The following MATR3 variants were observed in gnomAD, a reference collection of about 807,000 sequenced individuals.
MATR3 encodes the protein matrin-3.
A neutral mutation model predicts 85.5 loss-of-function variants in MATR3; 4 were observed. The observed-to-expected ratio is 0.05, with a 90% CI of 0.02 to 0.11. MATR3 has a LOEUF of 0.11. Ranked by LOEUF, MATR3 falls within the 10% of genes least tolerant of loss-of-function variation. MATR3 has a pLI of 1.00. For synonymous variants in MATR3, 336 were observed against 343.1 expected (o/e 0.98, Z 0.23); for missense variants, 685 against 1,016.1 (o/e 0.67, Z 4.43).
chr5:139,310,412 A>G (rs145525010), intron 2 of MATR3: 2 of 152,296 alleles, frequency 1.3e-5, no homozygotes, highest in African/African-American at 4.8e-5. Context: ...CTGAATTTCT[A>G]GTTTTCTAGT....
chr5:139,309,770 C>A (rs1039012972), intron 2 of MATR3, among the ~76,000 whole-genome samples: 3 of 152,062 alleles, frequency 2.0e-5, no homozygotes, highest in African/African-American at 7.2e-5. Flanking sequence ...ATTTTAGTTT[C>A]TGATCAGCAC....
chr5:139,325,712 ACT>A, intron 13 of MATR3, 50 bp downstream of exon 13: 4 of 1,480,194 alleles, frequency 2.7e-6, no homozygotes, highest in Non-Finnish European at 3.8e-6. Context: ...CTCAAAACAA[ACT>A]CTTAGGTTTT....
rs553716374 is a variant in MATR3 at position 139,295,522 on chromosome 5, G to A, written c.-178+1717G>A. On this transcript the variant is annotated intron_variant, in intron 1 of 14. Transcript: ENST00000394805. ...TCATCTTTATATATTTTTCAGCCGT[G>A]TACAGCTTTTATATCACATTTTGAA... Among the ~76,000 whole-genome samples, 4 of 152,248 alleles carry A rather than the reference G, an allele frequency of 2.6e-5. No individual in the cohort carries two copies. The East Asian group carries it at 7.7e-4, about 29-fold the overall frequency.
intron 1 of MATR3, among the ~76,000 whole-genome samples, chr5:139,295,595 T>C (rs1478962178): frequency 1.3e-5 from 2 of 152,216 alleles, no homozygotes; most frequent in African/African-American, 4.8e-5. Flanking sequence ...TTTGTTTTAG[T>C]CTTTAAACAT....
At chr5:139,306,546 A>G (rs989123201) in intron 1 of MATR3, among the ~76,000 whole-genome samples, 2 of 152,184 alleles carry the variant, frequency 1.3e-5, no homozygotes, top group Non-Finnish European at 2.9e-5. Context: ...TTAAAAGACT[A>G]GATATGAAGT....
rs1349218841 is a variant in MATR3 at position 139,307,838 on chromosome 5, C to T, written c.423C>T (p.Ile141=). 6 of 1,614,090 alleles carry T rather than the reference C, an allele frequency of 3.7e-6. No individual in the cohort carries two copies. The highest frequency in any genetic ancestry group is 5.1e-6 in the Non-Finnish European group (6 of 1,180,014). The change falls in exon 2 of 15, where the codon ATC becomes ATT. Residue 141 remains isoleucine, a synonymous_variant. Coordinates refer to ENST00000394805, the MANE Select transcript of MATR3 (RefSeq NM_018834.6). This position sits in a 1 kb window ranked among gnomAD's most constrained non-coding sequence, Gnocchi z 4.4. ...TTACTCCTGAGAATTTGCCCCAAAT[C>T]CTTCTACAGCTTAAAAGGAGGAGAA... ...DKITPENLPQ[I]LLQLKRRRTE...
intron 2 of MATR3, 94 bp downstream of exon 2, chr5:139,308,421 G>A: frequency 2.1e-6 from 3 of 1,454,414 alleles, no homozygotes; most frequent in Non-Finnish European, 2.9e-6. Context: ...TGATGACATT[G>A]AGTTGATCAA....
At chr5:139,317,742 ATTATTCAT>A in intron 7 of MATR3, 21 bp downstream of exon 7, 1 of 1,547,716 alleles carries the variant, frequency 6.5e-7, no homozygotes, top group Non-Finnish European at 8.9e-7. Context: ...AAATATTGGT[ATTATTCAT>A]TTATTCATGC....
Position 139,307,955 on chromosome 5 carries a change from A to G in MATR3, c.540A>G (p.Glu180=). The G allele has an allele frequency of 6.2e-7, 1 of 1,614,166 alleles. No individual in the cohort carries two copies. The highest frequency in any genetic ancestry group is 8.5e-7 in the Non-Finnish European group (1 of 1,180,014). ...GAGTACCTAGGGATGATTGGGAAGA[A>G]AAAAGGCACTTTAGAAGAGATAGTT... ...PYRVPRDDWE[E]KRHFRRDSFD... is the part of the protein sequence containing the mutation. The change falls in exon 2 of 15, where the codon GAA becomes GAG. Residue 180 remains glutamate, a synonymous_variant. Transcript: ENST00000394805. This position sits in a 1 kb window ranked among gnomAD's most constrained non-coding sequence, Gnocchi z 4.4.
chr5:139,309,688 TTTAATTGGTA>T (rs1339967773), intron 2 of MATR3, among the ~76,000 whole-genome samples: 2 of 152,134 alleles, frequency 1.3e-5, no homozygotes, highest in African/African-American at 4.8e-5. Flanking sequence ...GCCAGCAAAT[TTTAATTGGTA>T]TATGTTTTGG....
intron 3 of MATR3, chr5:139,315,064 G>C (rs1755173285): frequency 4.1e-6 from 1 of 245,780 alleles, no homozygotes; most frequent in African/African-American, 2.2e-5. Context: ...AATAATACAT[G>C]CTCTAAAAAT....
At chr5:139,317,560 G>A (rs1188352427) in intron 6 of MATR3, 36 bp from the exon 7 acceptor site, 3 of 1,609,312 alleles carry the variant, frequency 1.9e-6, no homozygotes, top group East Asian at 2.2e-5. Flanking sequence ...GCTTTAAAGA[G>A]ACTTAATTGC....
intron 3 of MATR3, chr5:139,279,241 T>TGG: frequency 2.3e-6 from 1 of 433,456 alleles, no homozygotes; most frequent in Non-Finnish European, 4.6e-6. Flanking sequence ...GACTTTTTTT[T>TGG]GGGGGGGGAC....
At chr5:139,286,807 ATACTC>A (rs1429234842) in intron 3 of MATR3, among the ~76,000 whole-genome samples, 2 of 150,834 alleles carry the variant, frequency 1.3e-5, no homozygotes, top group African/African-American at 4.9e-5. Flanking sequence ...TCATGCCACT[ATACTC>A]CAGCCCGGGC....
chr5:139,311,633 A>G (rs1421348048), intron 2 of MATR3: 3 of 151,946 alleles, frequency 2.0e-5, no homozygotes, highest in African/African-American at 4.9e-5. Context: ...AAATAGAAGC[A>G]TGCGTAGTAG....
At chr5:139,292,706 G>A (rs987958743), upstream of MATR3, among the ~76,000 whole-genome samples, 1 of 152,204 alleles carries the variant, frequency 6.6e-6, no homozygotes, top group Admixed American at 6.5e-5. Flanking sequence ...TTGGGAGGCC[G>A]AGGCGGGCGG....
intron 2 of MATR3, among the ~76,000 whole-genome samples, chr5:139,309,891 TAGC>T (rs1228991610): frequency 6.6e-6 from 1 of 152,196 alleles, no homozygotes; most frequent in Non-Finnish European, 1.5e-5. Flanking sequence ...AAGGAAATAA[TAGC>T]AGAAATGTCA....
intron 2 of MATR3, chr5:139,314,330 C>A: frequency 3.1e-6 from 1 of 317,986 alleles, no homozygotes; most frequent in Non-Finnish European, 6.1e-6. Context: ...ACAATGAATA[C>A]TTCAGTTTGG....
In MATR3 at chr5:139,293,821, G is replaced by A. The variant is rs1208445654; in HGVS notation, c.-178+16G>A. On this transcript the variant is annotated intron_variant, in intron 1 of 14. Transcript: ENST00000394805. ...TTTCCCTAAGGTAGGCGTGAAGCGG[G>A]TAAGAGTCGGGGTCGGGTGGCTGGG... The A allele has an allele frequency of 1.7e-5, 7 of 415,334 alleles. No individual in the cohort carries two copies. The highest frequency in any genetic ancestry group is 7.1e-5 in the East Asian group (2 of 28,088). The allele number at this position is 415,334 out of a possible 1,614,324, so 25.7% of individuals were successfully genotyped here.
Sources: allele counts gnomAD v4.1 joint callset (sites outside exome capture counted in the v4.1 genomes callset), GRCh38; gene constraint gnomAD v4.1.1; non-coding constraint Gnocchi (gnomAD v3.1); transcripts MANE v1.5; gene names NCBI Gene and HGNC (gene_info 2026-07-23, HGNC 2026-07-21).